SGCD: variants seen among roughly 807,000 people sequenced by gnomAD.
SGCD encodes the protein delta-sarcoglycan.
In SGCD, 18 loss-of-function variants were observed where a neutral mutation model predicts 36.6. That is an observed-to-expected ratio of 0.49 (90% CI 0.34 to 0.73). The LOEUF (loss-of-function observed/expected upper bound fraction) is 0.73. Among genes scored for constraint, SGCD ranks in the 30% least tolerant of loss-of-function variants. SGCD has a pLI of 0.01. For synonymous variants in SGCD, 133 were observed against 130.6 expected (o/e 1.02, Z -0.12); for missense variants, 387 against 346.7 (o/e 1.12, Z -0.92).
the SGCD span, among the ~76,000 whole-genome samples, chr5:155,796,118 C>T: frequency 3.9e-5 from 6 of 152,096 alleles, no homozygotes; most frequent in African/African-American, 1.4e-4. Context: ...TTAACAGATA[C>T]AGGGCACTGC....
intron 1 of SGCD, among the ~76,000 whole-genome samples, chr5:155,921,319 C>G (rs879495112): frequency 6.6e-6 from 1 of 152,096 alleles, no homozygotes; most frequent in Non-Finnish European, 1.5e-5. Context: ...GAAGAAAAAA[C>G]ACAAAATGAC....
At chr5:155,891,892 C>T (rs946668546) in intron 1 of SGCD, among the ~76,000 whole-genome samples, 6 of 152,198 alleles carry the variant, frequency 3.9e-5, no homozygotes, top group Admixed American at 3.3e-4. Flanking sequence ...TTAGGACATA[C>T]ATCTTCTTCT....
At chr5:156,522,358 A>G (rs1757446824) in intron 4 of SGCD, among the ~76,000 whole-genome samples, 1 of 152,146 alleles carries the variant, frequency 6.6e-6, no homozygotes, top group Non-Finnish European at 1.5e-5. Context: ...AAAAGATACT[A>G]AAAAAGAAAA....
chr5:156,617,237 T>C (rs1762053351), intron 6 of SGCD, among the ~76,000 whole-genome samples: 1 of 151,618 alleles, frequency 6.6e-6, no homozygotes, highest in Non-Finnish European at 1.5e-5. Context: ...CACCTGACAG[T>C]GTAGTAAAAA....
chr5:156,337,404 G>A (rs1473117374), intron 2 of SGCD, among the ~76,000 whole-genome samples: 1 of 152,108 alleles, frequency 6.6e-6, no homozygotes, highest in Non-Finnish European at 1.5e-5. Flanking sequence ...CATCAGTCTT[G>A]CTGTATTTTT....
intron 3 of SGCD, among the ~76,000 whole-genome samples, chr5:156,410,823 G>C: frequency 6.6e-6 from 1 of 151,826 alleles, no homozygotes; most frequent in Non-Finnish European, 1.5e-5. Flanking sequence ...TCATTTTTCT[G>C]TCTCTGTCCT....
chr5:156,397,685 T>C (rs1771933383), intron 3 of SGCD, among the ~76,000 whole-genome samples: 1 of 151,940 alleles, frequency 6.6e-6, no homozygotes, highest in Non-Finnish European at 1.5e-5. Context: ...CAGCTTAGAG[T>C]CTATGGAGAG....
chr5:156,653,492 G>GTTTTTTTTTTTTTTTTTT (rs1561839559), intron 7 of SGCD, among the ~76,000 whole-genome samples: 6 of 5,828 alleles, frequency 1.0e-3, no homozygotes, highest in Admixed American at 2.1e-3. Context: ...TCTAAAGCTT[G>GTTTTTTTTTTTTTTTTTT]CTTTTTTTTT....
At chr5:156,363,242 A>T (rs1333116459) in intron 3 of SGCD, among the ~76,000 whole-genome samples, 1 of 152,174 alleles carries the variant, frequency 6.6e-6, no homozygotes, top group Non-Finnish European at 1.5e-5. Context: ...TAAATGTCAG[A>T]TTTCAGTTTA....
At chr5:155,768,953 A>G in the SGCD span, among the ~76,000 whole-genome samples, 6 of 152,274 alleles carry the variant, frequency 3.9e-5, no homozygotes, top group African/African-American at 1.4e-4. Flanking sequence ...CAACAAAGAT[A>G]TGTATTCAAG....
At chr5:156,270,025 T>C (rs546300106) in intron 3 of SGCD, among the ~76,000 whole-genome samples, 1 of 152,378 alleles carries the variant, frequency 6.6e-6, no homozygotes, top group Non-Finnish European at 1.5e-5. Context: ...TTTAAGTCTT[T>C]AATCCATCTT....
At chr5:156,754,192 C>A (rs1338739841) in intron 7 of SGCD, among the ~76,000 whole-genome samples, 2 of 152,202 alleles carry the variant, frequency 1.3e-5, no homozygotes, top group Non-Finnish European at 1.5e-5. Context: ...GAGGCCTAGG[C>A]AGTGGGCAAG....
intron 1 of SGCD, among the ~76,000 whole-genome samples, chr5:156,023,530 C>T (rs2436420): frequency 0.31 from 46,393 of 152,100 alleles, 8,598 homozygotes; most frequent in South Asian, 0.45. Context: ...TTGTGCAAGC[C>T]TTTATGATTT....
the SGCD span, among the ~76,000 whole-genome samples, chr5:155,819,903 C>G: frequency 6.6e-6 from 1 of 152,178 alleles, no homozygotes; most frequent in African/African-American, 2.4e-5. Flanking sequence ...ATCATTATAA[C>G]TAATCAAAAC....
chr5:156,522,111 C>T (rs762805692), intron 4 of SGCD, among the ~76,000 whole-genome samples: 5 of 152,038 alleles, frequency 3.3e-5, no homozygotes, highest in East Asian at 3.9e-4. Context: ...AACCAAACAC[C>T]GCATGTTCTC....
At chr5:156,707,910 C>T (rs1754811239) in intron 7 of SGCD, among the ~76,000 whole-genome samples, 1 of 152,136 alleles carries the variant, frequency 6.6e-6, no homozygotes, top group African/African-American at 2.4e-5. Context: ...AGAGATTGGA[C>T]TATGTCAGTG....
intron 4 of SGCD, among the ~76,000 whole-genome samples, chr5:156,571,821 T>C (rs1759737102): frequency 6.6e-6 from 1 of 152,368 alleles, no homozygotes; most frequent in South Asian, 2.1e-4. Context: ...ATCGAGTACA[T>C]TTATAATGTT....
intron 3 of SGCD, among the ~76,000 whole-genome samples, chr5:156,227,347 T>C (rs918535434): frequency 2.0e-5 from 3 of 152,134 alleles, no homozygotes; most frequent in East Asian, 3.9e-4. Context: ...GCACCGTTTG[T>C]TGAAAATGGT....
At chr5:156,098,583 A>G (rs1211714681) in intron 1 of SGCD, among the ~76,000 whole-genome samples, 2 of 147,116 alleles carry the variant, frequency 1.4e-5, no homozygotes, top group Non-Finnish European at 3.0e-5. Flanking sequence ...ATGAGAGCCT[A>G]TGGTTGTGTG....
Sources: allele counts gnomAD v4.1 joint callset (sites outside exome capture counted in the v4.1 genomes callset), GRCh38; gene constraint gnomAD v4.1.1; transcripts MANE v1.5; gene names NCBI Gene and HGNC (gene_info 2026-07-23, HGNC 2026-07-21).